The following IRAK3 variants were observed in gnomAD, a reference collection of about 807,000 sequenced individuals.
The protein encoded by IRAK3 is interleukin 1 receptor associated kinase 3.
IRAK3 carries 57 observed loss-of-function variants against 56.6 expected under a neutral mutation model. The observed-to-expected ratio is 1.01, with a 90% CI of 0.81 to 1.26. The LOEUF is 1.26. IRAK3 is among the 50% of genes most tolerant of loss of function. IRAK3 has a pLI of 0.00. For missense variants in IRAK3, 703 were observed against 719.0 expected (o/e 0.98, Z 0.25); for synonymous variants, 258 against 255.7 (o/e 1.01, Z -0.09).
intron 1 of IRAK3, among the ~76,000 whole-genome samples, chr12:66,191,463 A>G (rs749716136): frequency 5.3e-5 from 8 of 152,162 alleles, no homozygotes; most frequent in Non-Finnish European, 4.4e-5. Context: ...CTATTTTTAT[A>G]TATAAGCTGG....
chr12:66,214,105 T>C (rs2052641006), intron 5 of IRAK3, among the ~76,000 whole-genome samples: 1 of 152,048 alleles, frequency 6.6e-6, no homozygotes, highest in African/African-American at 2.4e-5. Context: ...TGGAAAGATA[T>C]TAAGTCTGTG....
intron 11 of IRAK3, 58 bp from the exon 12 acceptor site, chr12:66,247,637 G>A: frequency 1.9e-6 from 2 of 1,074,826 alleles, no homozygotes; most frequent in Non-Finnish European, 1.4e-6. Context: ...AGTGATAAAA[G>A]GTAAAAGGAA....
At position 66,249,922 on chromosome 12, in the gene IRAK3, G is replaced by A. The variant is rs1198577196; in HGVS notation, c.*1751G>A. 2 of 152,096 alleles carry A rather than the reference G, an allele frequency of 1.3e-5. No individual in the cohort carries two copies. Among genetic ancestry groups the A allele is most frequent in the Non-Finnish European group, 2.9e-5 (2 of 68,024 alleles). 9.4% of individuals were successfully genotyped at this position (152,096 alleles called of 1,614,324 possible). A position where few individuals can be genotyped will look rare whatever the true frequency, so the allele number is the denominator to read the frequency against. ...TCTCGTGTAAAGTAACATATTCACAGGTTTCTGGAATTGGGACGTGGACAT... is the reference window on the plus strand; with the variant it reads ...TCTCGTGTAAAGTAACATATTCACAAGTTTCTGGAATTGGGACGTGGACAT... On this transcript the variant is annotated 3_prime_UTR_variant, in exon 12 of 12. Coordinates refer to ENST00000261233, the MANE Select transcript of IRAK3 (RefSeq NM_007199.3).
At chr12:66,233,846 A>T (rs1280499733) in intron 8 of IRAK3, among the ~76,000 whole-genome samples, 2 of 138,854 alleles carry the variant, frequency 1.4e-5, no homozygotes, top group African/African-American at 2.7e-5. Flanking sequence ...GTTTTACTAA[A>T]ATAAACCTGT....
At chr12:66,238,875 G>A (rs1464636009) in intron 8 of IRAK3, among the ~76,000 whole-genome samples, 3 of 152,160 alleles carry the variant, frequency 2.0e-5, no homozygotes, top group Non-Finnish European at 4.4e-5. Context: ...AATTTGAGAA[G>A]GAAAGGACTT....
chr12:66,230,080 G>A (rs2052827875), intron 8 of IRAK3, among the ~76,000 whole-genome samples: 1 of 152,180 alleles, frequency 6.6e-6, no homozygotes, highest in African/African-American at 2.4e-5. Context: ...CTGAAGCAAA[G>A]GGAGCATCAG....
intron 5 of IRAK3, among the ~76,000 whole-genome samples, chr12:66,214,249 C>G (rs1219759708): frequency 1.3e-5 from 2 of 151,770 alleles, no homozygotes; most frequent in African/African-American, 4.8e-5. Flanking sequence ...GCAGGCTGGG[C>G]ATGGTGGCTC....
intron 1 of IRAK3, among the ~76,000 whole-genome samples, chr12:66,191,893 C>T (rs569520471): frequency 3.9e-5 from 6 of 152,172 alleles, no homozygotes; most frequent in African/African-American, 1.4e-4. Context: ...TCGAGCCGAT[C>T]GTGATTCTTG....
chr12:66,230,429 G>A (rs2052832514), intron 8 of IRAK3, among the ~76,000 whole-genome samples: 1 of 152,162 alleles, frequency 6.6e-6, no homozygotes, highest in African/African-American at 2.4e-5. Context: ...CATGCCATGG[G>A]GAAGCACTGA....
intron 8 of IRAK3, among the ~76,000 whole-genome samples, chr12:66,240,157 TGTGA>T (rs1401567646): frequency 6.6e-6 from 1 of 152,224 alleles, no homozygotes; most frequent in Admixed American, 6.5e-5. Flanking sequence ...TTGAGCCCTC[TGTGA>T]GTGTCACTCC....
In IRAK3 at chr12:66,251,591, G is replaced by A. The variant is rs1357038668; in HGVS notation, c.*3420G>A. On this transcript the variant is annotated 3_prime_UTR_variant, in exon 12 of 12. Transcript: ENST00000261233. ...AACATTTTGTTGTTTTTAAAAACAG[G>A]TATGGGATTTCTGATATAATCAATT... 3 of 152,140 alleles carry A rather than the reference G, an allele frequency of 2.0e-5. No homozygotes were observed. Among genetic ancestry groups the A allele is most frequent in the Admixed American group, 1.3e-4 (2 of 15,274 alleles). The allele number at this position is 152,140 out of a possible 1,614,324, so 9.4% of individuals were successfully genotyped here.
intron 2 of IRAK3, among the ~76,000 whole-genome samples, chr12:66,209,025 A>T (rs1368818199): frequency 6.6e-6 from 1 of 150,882 alleles, no homozygotes; most frequent in Non-Finnish European, 1.5e-5. Context: ...ATGAGCCGAG[A>T]TCATGCCACT....
chr12:66,240,302 A>G lies in IRAK3; in HGVS notation c.888-4184A>G, dbSNP rs1477875646. Among the ~76,000 whole-genome samples, 4 of 152,282 alleles carry G rather than the reference A, an allele frequency of 2.6e-5. No homozygotes were observed. In the East Asian group the frequency reaches 5.8e-4, roughly 22 times the overall value. ...AGATTTGGAGTTTCACAATTAAAGG[A>G]GGAACACCCATTACTGGGCCTTTGC... On this transcript the variant is annotated intron_variant, in intron 8 of 11. Transcript: ENST00000261233.
chr12:66,194,267 C>CT (rs754854511), intron 1 of IRAK3, among the ~76,000 whole-genome samples: 3 of 152,152 alleles, frequency 2.0e-5, no homozygotes, highest in Non-Finnish European at 4.4e-5. Flanking sequence ...AATGTTATGT[C>CT]TAGCTCTCAC....
At chr12:66,247,673 CT>C (rs750370334) in intron 11 of IRAK3, 21 bp from the exon 12 acceptor site, 7 of 1,387,420 alleles carry the variant, frequency 5.0e-6, no homozygotes, top group Non-Finnish European at 7.2e-6. Flanking sequence ...AATTTAATGT[CT>C]GTTTGCTTCT....
chr12:66,195,565 G>A (rs1592573839), intron 1 of IRAK3, among the ~76,000 whole-genome samples: 2 of 152,076 alleles, frequency 1.3e-5, no homozygotes, highest in African/African-American at 4.8e-5. Context: ...CCTTGAACAC[G>A]CAAGGAACGT....
chr12:66,197,025 G>C (rs1027048442), intron 1 of IRAK3: 7 of 1,528,734 alleles, frequency 4.6e-6, no homozygotes, highest in Non-Finnish European at 5.2e-6. Flanking sequence ...ATATGGAGAC[G>C]TGATTTCTGC....
Position 66,234,984 on chromosome 12 carries a change from C to T in IRAK3, c.887+6614C>T. 4 of 1,613,982 alleles carry T rather than the reference C, an allele frequency of 2.5e-6. No individual in the cohort carries two copies. In the South Asian group the frequency reaches 4.4e-5, roughly 18 times the overall value. ...CTGTCAAAGTCGACAAAACCATAAC[C>T]TTTGCATTTGTTCGTTGTCTTATGC... On this transcript the variant is annotated intron_variant, in intron 8 of 11. Transcript: ENST00000261233.
chr12:66,245,146 C>G lies in IRAK3; in HGVS notation c.1198C>G (p.Leu400Val), dbSNP rs146120640. ...LMEKRGLDSC[L>V]SFLDKKVPPC... ...GGAGAAGAGAGGCCTGGATTCATGT[C>G]TCTCATTTCTAGATAAGAAAGTGCC... The change falls in exon 11 of 12, where the codon CTC becomes GTC. Residue 400 changes from leucine to valine, a missense_variant. Transcript: ENST00000261233. 5.9e-4 allele frequency: 952 copies of G among 1,614,162 alleles called. 6 individuals carry two copies. Among genetic ancestry groups the G allele is most frequent in the South Asian group, 5.3e-3 (480 of 91,080 alleles).
Sources: gnomAD v4.1 joint callset for allele counts (sites outside exome capture counted in the v4.1 genomes callset) on GRCh38, gnomAD v4.1.1 for gene constraint, MANE v1.5 for transcripts, NCBI Gene and HGNC (gene_info 2026-07-23, HGNC 2026-07-21) for gene names.